Variants in CAMK1D observed in about 807,000 individuals in gnomAD.
CAMK1D encodes the protein calcium/calmodulin dependent protein kinase ID, also known as calcium/calmodulin-dependent protein kinase type 1D.
CAMK1D carries 9 observed loss-of-function variants against 47.7 expected under a neutral mutation model. The observed-to-expected ratio is 0.19, with a 90% confidence interval of 0.11 to 0.33. The LOEUF is 0.33. Ranked by LOEUF, CAMK1D falls within the 10% of genes least tolerant of loss-of-function variation. The pLI, the probability that CAMK1D is intolerant of heterozygous loss-of-function variation, is 1.00. For synonymous variants in CAMK1D, 184 were observed against 184.9 expected (o/e 0.99, Z 0.04); for missense variants, 291 against 488.7 (o/e 0.60, Z 3.81).
At chr10:12,672,433 A>G (rs368625775) in intron 3 of CAMK1D, among the ~76,000 whole-genome samples, 13 of 151,990 alleles carry the variant, frequency 8.6e-5, no homozygotes, top group Admixed American at 2.0e-4. Context: ...CAGTGGTGCA[A>G]TCTCGGCTCA....
chr10:12,816,940 T>G (rs547119732), intron 8 of CAMK1D, among the ~76,000 whole-genome samples: 1 of 150,592 alleles, frequency 6.6e-6, no homozygotes, highest in Non-Finnish European at 1.5e-5. Flanking sequence ...GGAGGTTTCA[T>G]TGGACTCACA....
intron 2 of CAMK1D, among the ~76,000 whole-genome samples, chr10:12,665,006 C>T (rs919788052): frequency 2.0e-5 from 3 of 152,144 alleles, no homozygotes; most frequent in African/African-American, 7.2e-5. Flanking sequence ...TAGGTAGATC[C>T]AATAATGATA....
At chr10:12,498,775 A>G (rs569744113) in intron 1 of CAMK1D, among the ~76,000 whole-genome samples, 7 of 152,274 alleles carry the variant, frequency 4.6e-5, no homozygotes, top group African/African-American at 7.2e-5. Flanking sequence ...GCCCCAAGAC[A>G]TCATCACAGT....
chr10:12,509,771 G>T (rs1367428825), intron 1 of CAMK1D, among the ~76,000 whole-genome samples: 1 of 152,180 alleles, frequency 6.6e-6, no homozygotes, highest in Non-Finnish European at 1.5e-5. Context: ...TGACTTCTAA[G>T]TGGTTCTTGT....
chr10:12,581,536 C>A (rs114716673), intron 2 of CAMK1D, among the ~76,000 whole-genome samples: 2,037 of 152,276 alleles, frequency 0.013, 57 homozygotes, highest in African/African-American at 0.046. Context: ...TTCACCGCAT[C>A]CCCACCAACA....
intron 3 of CAMK1D, among the ~76,000 whole-genome samples, chr10:12,726,464 A>C (rs1017891856): frequency 3.3e-5 from 5 of 152,080 alleles, no homozygotes; most frequent in Non-Finnish European, 5.9e-5. Flanking sequence ...AAAGAAGGGA[A>C]TACTGTAGTT....
At chr10:12,816,191 A>G in intron 7 of CAMK1D, 59 bp from the exon 8 acceptor site, 2 of 1,405,594 alleles carry the variant, frequency 1.4e-6, no homozygotes, top group Non-Finnish European at 2.0e-6. Flanking sequence ...TGGTGGGATC[A>G]TATTGTCACA....
At chr10:12,760,697 G>A in intron 3 of CAMK1D, 1 of 444,976 alleles carries the variant, frequency 2.2e-6, no homozygotes, top group Non-Finnish European at 4.1e-6. Flanking sequence ...GCAGAGGCCT[G>A]GACAGAACCC....
At chr10:12,371,280 A>C (rs1837997518) in intron 1 of CAMK1D, among the ~76,000 whole-genome samples, 1 of 152,088 alleles carries the variant, frequency 6.6e-6, no homozygotes, top group African/African-American at 2.4e-5. Flanking sequence ...TCACCATTTA[A>C]AAAATCTTTT....
intron 3 of CAMK1D, among the ~76,000 whole-genome samples, chr10:12,677,194 G>T (rs532456129): frequency 6.6e-6 from 1 of 152,146 alleles, no homozygotes; most frequent in Non-Finnish European, 1.5e-5. Context: ...TGTGGATATT[G>T]TATTCATAAT....
chr10:12,522,910 G>T (rs1243351319), intron 1 of CAMK1D, among the ~76,000 whole-genome samples: 2 of 88,178 alleles, frequency 2.3e-5, no homozygotes, highest in South Asian at 5.1e-4. Flanking sequence ...CGGCTGGCCG[G>T]GCGGGGGCTG....
intron 1 of CAMK1D, among the ~76,000 whole-genome samples, chr10:12,514,546 C>A (rs1835133496): frequency 1.3e-5 from 2 of 152,194 alleles, no homozygotes; most frequent in South Asian, 4.1e-4. Flanking sequence ...ACAGATAAGG[C>A]CTAAAGTCAA....
At chr10:12,615,202 C>T (rs554861681) in intron 2 of CAMK1D, among the ~76,000 whole-genome samples, 2 of 152,266 alleles carry the variant, frequency 1.3e-5, no homozygotes, top group Non-Finnish European at 2.9e-5. Flanking sequence ...CTGGGCCACC[C>T]CTAGGAAGGA....
intron 2 of CAMK1D, among the ~76,000 whole-genome samples, chr10:12,559,944 G>A (rs1481559058): frequency 1.3e-5 from 2 of 152,182 alleles, no homozygotes; most frequent in Non-Finnish European, 2.9e-5. Flanking sequence ...ATGGCAGGAT[G>A]TGTGGTGGGA....
At chr10:12,760,144 G>A (rs1273604241) in intron 3 of CAMK1D, among the ~76,000 whole-genome samples, 2 of 152,106 alleles carry the variant, frequency 1.3e-5, no homozygotes, top group Non-Finnish European at 2.9e-5. Context: ...TGAACTCAGG[G>A]CAGCATAAAA....
chr10:12,758,380 A>G (rs959455131), intron 3 of CAMK1D, among the ~76,000 whole-genome samples: 1 of 152,180 alleles, frequency 6.6e-6, no homozygotes, highest in Non-Finnish European at 1.5e-5. Flanking sequence ...ATATGACAAT[A>G]TCATATTGTC....
chr10:12,403,933 G>C (rs1008918907), intron 1 of CAMK1D, among the ~76,000 whole-genome samples: 4 of 150,858 alleles, frequency 2.7e-5, no homozygotes, highest in Non-Finnish European at 5.9e-5. Flanking sequence ...TTGATATCTT[G>C]TGGCAGGTGG....
intron 2 of CAMK1D, among the ~76,000 whole-genome samples, chr10:12,643,205 G>T (rs1839715001): frequency 6.6e-6 from 1 of 152,174 alleles, no homozygotes; most frequent in Admixed American, 6.5e-5. Context: ...GTTTCACCAT[G>T]TTGGACAGGC....
chr10:12,375,161 A>G lies in CAMK1D; in HGVS notation c.92+25251A>G, dbSNP rs567006301. ...CGAAATCTTCATGAGAGCAGGGGAC[A>G]CTTTCTTACATGTGATCTCTTACAC... On this transcript the variant is annotated intron_variant, in intron 1 of 10. Coordinates refer to ENST00000619168, the MANE Select transcript of CAMK1D (RefSeq NM_153498.4). Among the ~76,000 whole-genome samples the G allele has an allele frequency of 5.9e-5, 9 of 152,178 alleles. No homozygotes were observed. The East Asian group carries it at 1.4e-3, about 23-fold the overall frequency.
Sources: allele counts gnomAD v4.1 joint callset (sites outside exome capture counted in the v4.1 genomes callset), GRCh38; gene constraint gnomAD v4.1.1; transcripts MANE v1.5; gene names NCBI Gene and HGNC (gene_info 2026-07-23, HGNC 2026-07-21).